Variants in LACC1 observed in about 807,000 individuals in gnomAD.
LACC1 encodes purine nucleoside phosphorylase LACC1.
LACC1 carries 25 observed loss-of-function variants against 34.8 expected under a neutral mutation model. The observed-to-expected ratio is 0.72, with a 90% CI of 0.52 to 1.00. The LOEUF (loss-of-function observed/expected upper bound fraction) is 1.00. LACC1 is among the 50% of genes least tolerant of loss of function. LACC1 has a pLI of 0.00. For synonymous variants in LACC1, 162 were observed against 168.0 expected (o/e 0.96, Z 0.28); for missense variants, 426 against 511.2 (o/e 0.83, Z 1.61).
chr13:43,886,848 C>G (rs920621643), intron 4 of LACC1, among the ~76,000 whole-genome samples: 1 of 152,044 alleles, frequency 6.6e-6, no homozygotes, highest in Non-Finnish European at 1.5e-5. Flanking sequence ...TAAAATTCTT[C>G]TATGGGACTA....
chr13:43,885,693 A>G (rs1276763512), intron 4 of LACC1, among the ~76,000 whole-genome samples: 1 of 152,238 alleles, frequency 6.6e-6, no homozygotes, highest in Non-Finnish European at 1.5e-5. Context: ...GGACATAGGC[A>G]TAGGCCTTGG....
Position 43,881,353 on chromosome 13 carries a change from T to G in LACC1, c.368T>G (p.Phe123Cys). The G allele has an allele frequency of 6.2e-7, 1 of 1,614,132 alleles. No individual in the cohort carries two copies. The highest frequency in any genetic ancestry group is 8.5e-7 in the Non-Finnish European group (1 of 1,180,012). ...TLMKAFIDQL[F>C]TDVYNFEFED... ...ATGAAAGCTTTTATTGATCAACTCT[T>G]CACTGATGTTTACAATTTTGAATTT... The change falls in exon 2 of 7, where the codon TTC becomes TGC. Residue 123 changes from phenylalanine (F) to cysteine (C), a missense_variant. Transcript: ENST00000325686.
chr13:43,890,283 G>T lies in LACC1; in HGVS notation c.*1+9G>T. The T allele has an allele frequency of 6.2e-7, 1 of 1,606,034 alleles. No homozygotes were observed. Among genetic ancestry groups the T allele is most frequent in the Non-Finnish European group, 8.5e-7 (1 of 1,175,726 alleles). On this transcript the variant is annotated intron_variant, in intron 6 of 6. Coordinates refer to ENST00000325686, the MANE Select transcript of LACC1 (RefSeq NM_153218.4). ...ATCAATTAAAGAATGAGGTACAGTA[G>T]GTTTTCTCTCCTCTCTCCGTTTTTC...
intron 5 of LACC1, among the ~76,000 whole-genome samples, chr13:43,889,604 G>A (rs916841149): frequency 6.6e-6 from 1 of 152,162 alleles, no homozygotes; most frequent in Non-Finnish European, 1.5e-5. Context: ...TACAGATGTG[G>A]AAAAGTTTGA....
In LACC1 at chr13:43,881,008, A is replaced by T. The variant is rs187246727; in HGVS notation, c.23A>T (p.Asp8Val). 1 of 1,613,564 alleles carries T rather than the reference A, an allele frequency of 6.2e-7. No individual in the cohort carries two copies. Among genetic ancestry groups the T allele is most frequent in the Non-Finnish European group, 8.5e-7 (1 of 1,179,620 alleles). MAEAVLI[D>V]LFGLKLNSQK... is the part of the protein sequence containing the mutation. ...AGGATGGCAGAAGCTGTTTTGATTG[A>T]TCTTTTTGGTTTGAAATTGAACTCT... The change falls in exon 2 of 7, where the codon GAT becomes GTT. Residue 8 changes from aspartate to valine, a missense_variant. Coordinates refer to ENST00000325686, the MANE Select transcript of LACC1 (RefSeq NM_153218.4).
At chr13:43,882,029 C>G (rs911125475) in intron 2 of LACC1, among the ~76,000 whole-genome samples, 156 bp from the exon 3 acceptor site, 3 of 152,104 alleles carry the variant, frequency 2.0e-5, no homozygotes, top group African/African-American at 7.2e-5. Flanking sequence ...AAAACAAACA[C>G]AAAGCAGAAT....
intron 4 of LACC1, among the ~76,000 whole-genome samples, chr13:43,887,423 G>A (rs1242505073): frequency 6.6e-6 from 1 of 152,052 alleles, no homozygotes; most frequent in Non-Finnish European, 1.5e-5. Context: ...CCAGATATAG[G>A]GAATAAAGGA....
chr13:43,886,677 C>T (rs1270521819), intron 4 of LACC1, among the ~76,000 whole-genome samples: 2 of 152,016 alleles, frequency 1.3e-5, no homozygotes, highest in Non-Finnish European at 1.5e-5. Context: ...GTGATGAAAT[C>T]GTTTGTACAC....
At position 43,890,213 on chromosome 13, in the gene LACC1, C is replaced by A. The variant is rs557135742; in HGVS notation, c.1233C>A (p.Ser411=). ...CTSCHPDKFF[S]HVRDGLNFGT... is the part of the protein sequence containing the mutation. ...CTTGCCATCCTGACAAGTTTTTCTC[C>A]CATGTCCGAGATGGCCTTAATTTTG... The change falls in exon 6 of 7, where the codon TCC becomes TCA. Residue 411 remains serine (S), a synonymous_variant. Transcript: ENST00000325686. 12 of 1,613,660 alleles carry A rather than the reference C, an allele frequency of 7.4e-6. No individual in the cohort carries two copies. The East Asian group carries it at 2.7e-4, about 36-fold the overall frequency.
At chr13:43,883,183 C>T (rs1210174476) in intron 3 of LACC1, among the ~76,000 whole-genome samples, 1 of 152,150 alleles carries the variant, frequency 6.6e-6, no homozygotes, top group East Asian at 1.9e-4. Flanking sequence ...TATTCAAGAG[C>T]CTACTGTATA....
chr13:43,890,010 C>G lies in LACC1; in HGVS notation c.1134-104C>G. 9.4e-6 allele frequency: 9 copies of G among 953,070 alleles called. No individual in the cohort carries two copies. The South Asian group carries it at 1.3e-4, about 14-fold the overall frequency. The allele number at this position is 953,070 out of a possible 1,614,324, so 59.0% of individuals were successfully genotyped here. ...ACAATATACATTGTTCTAGGTACAT[C>G]TTTCCTGGAACTTTTTCATGCCAAC... On this transcript the variant is annotated intron_variant, in intron 5 of 6. Transcript: ENST00000325686.
At chr13:43,884,563 G>A (rs1376717259) in intron 4 of LACC1, among the ~76,000 whole-genome samples, 1 of 152,166 alleles carries the variant, frequency 6.6e-6, no homozygotes. Flanking sequence ...GTATTTAACT[G>A]TAACTATTCT....
chr13:43,888,716 TG>T, intron 4 of LACC1, 40 bp from the exon 5 acceptor site: 1 of 1,504,330 alleles, frequency 6.6e-7, no homozygotes. Flanking sequence ...AAATTTTTTA[TG>T]TTTTGACTTC....
chr13:43,891,655 AT>A lies in LACC1; in HGVS notation c.*209del. The A allele has an allele frequency of 3.6e-6, 2 of 562,856 alleles. No homozygotes were observed. The highest frequency in any genetic ancestry group is 4.5e-6 in the Non-Finnish European group (2 of 444,052). 34.9% of individuals were successfully genotyped at this position (562,856 alleles called of 1,614,324 possible). ...CAAAAATCAGTATGTTGTAGCTAAT[AT>A]GTTTTATGCATGAGAATTATTCTTA... is the stretch of plus-strand genomic sequence containing the variant. On this transcript the variant is annotated 3_prime_UTR_variant, in exon 7 of 7. Transcript: ENST00000325686.
At chr13:43,881,603 T>G in intron 2 of LACC1, 56 bp downstream of exon 2, 1 of 1,303,840 alleles carries the variant, frequency 7.7e-7, no homozygotes, top group Non-Finnish European at 1.1e-6. Context: ...TAGTCTTTCT[T>G]CAGAGGTAGT....
chr13:43,879,778 T>TGGGCGAGGTGCGCGAGGTGAGGCGGGGC (rs1555394141), upstream of LACC1: 1 of 103,400 alleles, frequency 9.7e-6, no homozygotes, highest in Admixed American at 9.7e-5. Flanking sequence ...GGGGGCGAGG[T>TGGGCGAGGTGCGCGAGGTGAGGCGGGGC]GAGGCGGGGC....
chr13:43,893,278 T>A lies in LACC1; in HGVS notation c.*1831T>A, dbSNP rs146052450. 6.6e-6 allele frequency: 1 copy of A among 152,158 alleles called. No individual in the cohort carries two copies. The highest frequency in any genetic ancestry group is 1.9e-4 in the East Asian group (1 of 5,188). The allele number at this position is 152,158 out of a possible 1,614,324, so 9.4% of individuals were successfully genotyped here. On this transcript the variant is annotated 3_prime_UTR_variant, in exon 7 of 7. Coordinates refer to ENST00000325686, the MANE Select transcript of LACC1 (RefSeq NM_153218.4). ...GCTACTCTGAAATACACAGGCATTA[T>A]CCCTTTTATTCAGCTGAGAAAACTG...
In LACC1 at chr13:43,882,209, C is replaced by A; in HGVS notation, c.587C>A (p.Thr196Lys). The change falls in exon 3 of 7, where the codon ACA (threonine) becomes AAA (lysine). Residue 196 changes from threonine (T) to lysine (K), a missense_variant. By Grantham distance (78) the Thr-to-Lys change is moderately conservative (BLOSUM62 -1). Around this residue, in one of 2 missense-constraint regions of LACC1, gnomAD observed 209 missense variants for 300.3 expected, o/e 0.70. Coordinates refer to ENST00000325686, the MANE Select transcript of LACC1 (RefSeq NM_153218.4). ...IPDIFIHGFTTRTGGISYIPT... is the reference protein window; with the variant it reads ...IPDIFIHGFTKRTGGISYIPT... ...GATATTTTCATACATGGATTTACTA[C>A]AAGAACAGGTGGGATATCTTATATA... is the stretch of plus-strand genomic sequence containing the variant. 1 of 1,602,450 alleles carries A rather than the reference C, an allele frequency of 6.2e-7. No homozygotes were observed. Among genetic ancestry groups the A allele is most frequent in the South Asian group, 1.1e-5 (1 of 87,952 alleles).
In LACC1 at chr13:43,889,039, A is replaced by G. The variant is rs1955455415; in HGVS notation, c.1133+57A>G. On this transcript the variant is annotated intron_variant, in intron 5 of 6. Coordinates refer to ENST00000325686, the MANE Select transcript of LACC1 (RefSeq NM_153218.4). ...ATTATTTCTGATTGTTCTAAAATGA[A>G]ATTTATTTTGGAGAACAATTAATAA... The G allele has an allele frequency of 2.1e-6, 3 of 1,424,332 alleles. No homozygotes were observed. In the Admixed American group the frequency reaches 5.1e-5, roughly 24 times the overall value. The allele number at this position is 1,424,332 out of a possible 1,614,324, so 88.2% of individuals were successfully genotyped here.
Sources: gnomAD v4.1 joint callset for allele counts (sites outside exome capture counted in the v4.1 genomes callset) on GRCh38, gnomAD v4.1.1 for gene constraint, gnomAD v4.1.1 regional missense constraint, MANE v1.5 for transcripts, NCBI Gene and HGNC (gene_info 2026-07-23, HGNC 2026-07-21) for gene names.